Variants in PPP1CC observed in about 807,000 individuals in gnomAD.
PPP1CC encodes the protein protein phosphatase 1 catalytic subunit gamma.
Under a neutral mutation model 38.4 loss-of-function variants are expected in PPP1CC, and 16 were observed. The ratio of observed to expected loss-of-function variants is 0.42; its 90% CI spans 0.28 to 0.63. The LOEUF (loss-of-function observed/expected upper bound fraction) is 0.63, where lower values mean the gene tolerates loss of function less well. Ranked by LOEUF, PPP1CC falls within the 30% of genes least tolerant of loss-of-function variation. PPP1CC has a pLI of 0.25. For missense variants in PPP1CC, 170 were observed against 391.3 expected, an observed-to-expected ratio of 0.43 and a Z score of 4.77; for synonymous variants, 158 against 136.0, an observed-to-expected ratio of 1.16 and a Z score of -1.13.
intron 4 of PPP1CC, among the ~76,000 whole-genome samples, chr12:110,724,155 G>A (rs552358546): frequency 1.4e-4 from 21 of 152,150 alleles, no homozygotes; most frequent in Admixed American, 8.5e-4. Context: ...GGAGAATGGC[G>A]TGAACCTGGG....
rs909149111 is a variant in PPP1CC, at chr12:110,720,897, A to C, written c.*179T>G. The stretch of plus-strand genomic sequence containing the variant: ...CAAAACACTTTTCTTTTTGGAGTGA[A>C]GAGTCTTTCATTTGCTGTTATAACC... On this transcript the variant is annotated 3_prime_UTR_variant, in exon 7 of 7. Transcript: ENST00000335007. 1 of 512,996 alleles carries C rather than the reference A, an allele frequency of 1.9e-6. No individual in the cohort carries two copies. Among genetic ancestry groups the C allele is most frequent in the African/African-American group, 1.9e-5 (1 of 51,502 alleles). 31.8% of individuals were successfully genotyped at this position (512,996 alleles called of 1,614,324 possible).
At chr12:110,715,152 A>G (rs1292678807), downstream of PPP1CC, among the ~76,000 whole-genome samples, 2 of 149,604 alleles carry the variant, frequency 1.3e-5, no homozygotes, top group Non-Finnish European at 3.0e-5. Context: ...GGGTGGCTAG[A>G]AAAAAAAAAG....
At chr12:110,733,945 G>A (rs2069911863) in intron 1 of PPP1CC, among the ~76,000 whole-genome samples, 1 of 152,096 alleles carries the variant, frequency 6.6e-6, no homozygotes, top group Non-Finnish European at 1.5e-5. Context: ...GATAGAAACT[G>A]CCAAAACCAT....
At chr12:110,741,365 C>A (rs1262575538) in intron 1 of PPP1CC, among the ~76,000 whole-genome samples, 1 of 152,136 alleles carries the variant, frequency 6.6e-6, no homozygotes, top group African/African-American at 2.4e-5. Context: ...CATTTATAGT[C>A]CAACAATATT....
chr12:110,720,243 T>C lies in PPP1CC; in HGVS notation c.*833A>G, dbSNP rs1206062553. 3.9e-5 allele frequency: 57 copies of C among 1,474,090 alleles called. No individual in the cohort carries two copies. The highest frequency in any genetic ancestry group is 5.0e-5 in the Non-Finnish European group (55 of 1,091,562). 91.3% of individuals were successfully genotyped at this position (1,474,090 alleles called of 1,614,324 possible). A position where few individuals can be genotyped will look rare whatever the true frequency, so the allele number is the denominator to read the frequency against. ...ACTTAATGAATAGACTATATGGAAA[T>C]TGTATAAAATGTTATTACCTTTTAT... On this transcript the variant is annotated 3_prime_UTR_variant, in exon 7 of 7. Transcript: ENST00000335007.
the PPP1CC span, among the ~76,000 whole-genome samples, chr12:110,713,148 T>C: frequency 3.0e-3 from 456 of 152,112 alleles, 8 homozygotes; most frequent in African/African-American, 0.011. Context: ...TCTTTTTTTT[T>C]TGGAGATGTA....
intron 1 of PPP1CC, chr12:110,734,883 C>G (rs879750254): frequency 6.8e-6 from 1 of 146,842 alleles, no homozygotes; most frequent in East Asian, 2.1e-4. Flanking sequence ...CTGGTTACTG[C>G]GGAGGCTGAG....
In PPP1CC at chr12:110,720,468, T is replaced by C. The variant is rs1351407942; in HGVS notation, c.*608A>G. ...AAGAATGGCTTTGTCATTTTAAGTATACGGTCGGGGAAAAGTGTGCTTTAA... is the reference window on the plus strand; with the variant it reads ...AAGAATGGCTTTGTCATTTTAAGTACACGGTCGGGGAAAAGTGTGCTTTAA... On this transcript the variant is annotated 3_prime_UTR_variant, in exon 7 of 7. Coordinates refer to ENST00000335007, the MANE Select transcript of PPP1CC (RefSeq NM_002710.4). 1.4e-5 allele frequency: 6 copies of C among 415,294 alleles called. No individual in the cohort carries two copies. Among genetic ancestry groups the C allele is most frequent in the Non-Finnish European group, 2.6e-5 (6 of 231,496 alleles). 25.7% of individuals were successfully genotyped at this position (415,294 alleles called of 1,614,324 possible). A position where few individuals can be genotyped will look rare whatever the true frequency, so the allele number is the denominator to read the frequency against.
intron 3 of PPP1CC, among the ~76,000 whole-genome samples, chr12:110,728,903 C>G (rs999308367): frequency 6.6e-6 from 1 of 152,130 alleles, no homozygotes; most frequent in African/African-American, 2.4e-5. Flanking sequence ...GGATGCACTT[C>G]TAACAAATGT....
Position 110,722,366 on chromosome 12 carries a change from G to C in PPP1CC, c.748-97C>G. On this transcript the variant is annotated intron_variant, in intron 5 of 6. Coordinates refer to ENST00000335007, the MANE Select transcript of PPP1CC (RefSeq NM_002710.4). This position sits in a 1 kb window ranked among gnomAD's most constrained non-coding sequence, Gnocchi z 5.4. Reference sequence around the variant, plus strand: ...ATTGAGCCTGATATCTTGTGTTCCAGAAACACTTTGTATAAATAAGCAATA... The same window carrying C: ...ATTGAGCCTGATATCTTGTGTTCCACAAACACTTTGTATAAATAAGCAATA... 6.4e-7 allele frequency: 1 copy of C among 1,560,544 alleles called. No individual in the cohort carries two copies.
At chr12:110,727,700 A>C (rs1463516702) in intron 3 of PPP1CC, among the ~76,000 whole-genome samples, 2 of 152,124 alleles carry the variant, frequency 1.3e-5, no homozygotes, top group African/African-American at 4.8e-5. Flanking sequence ...ATGAAAATCA[A>C]CATTTGAATA....
chr12:110,712,381 T>C, the PPP1CC span, among the ~76,000 whole-genome samples: 1 of 151,858 alleles, frequency 6.6e-6, no homozygotes, highest in Non-Finnish European at 1.5e-5. Context: ...GGTTCATGCA[T>C]GTCATCTCAG....
Position 110,722,720 on chromosome 12 carries a change from ATG to A in PPP1CC, c.524-27_524-26del. The A allele has an allele frequency of 6.5e-7, 1 of 1,529,942 alleles. No homozygotes were observed. Among genetic ancestry groups the A allele is most frequent in the Non-Finnish European group, 8.9e-7 (1 of 1,125,484 alleles). 94.8% of individuals were successfully genotyped at this position (1,529,942 alleles called of 1,614,324 possible). A position where few individuals can be genotyped will look rare whatever the true frequency, so the allele number is the denominator to read the frequency against. On this transcript the variant is annotated intron_variant, in intron 4 of 6. Transcript: ENST00000335007. This position sits in a 1 kb window ranked among gnomAD's most constrained non-coding sequence, Gnocchi z 5.4. Reference sequence around the variant, plus strand: ...CCTATTCAATGAGGAAAAAAAAAAAATGAAGAAAGCAGAACTTTTAAAAGGAT... The same window carrying A: ...CCTATTCAATGAGGAAAAAAAAAAAAAAGAAAGCAGAACTTTTAAAAGGAT...
Position 110,722,303 on chromosome 12 carries a change from G to A in PPP1CC, c.748-34C>T, listed in dbSNP as rs1483543864. On this transcript the variant is annotated intron_variant, in intron 5 of 6. Coordinates refer to ENST00000335007, the MANE Select transcript of PPP1CC (RefSeq NM_002710.4). This position sits in a 1 kb window ranked among gnomAD's most constrained non-coding sequence, Gnocchi z 5.4. ...GAAAATTTTTTCAATATAAATAGGTGCAAATATTAGGTGAGTAAAACCATG... is the reference window on the plus strand; with the variant it reads ...GAAAATTTTTTCAATATAAATAGGTACAAATATTAGGTGAGTAAAACCATG... 1.9e-6 allele frequency: 3 copies of A among 1,605,776 alleles called. No homozygotes were observed. The highest frequency in any genetic ancestry group is 1.3e-5 in the African/African-American group (1 of 74,598).
the PPP1CC span, among the ~76,000 whole-genome samples, chr12:110,711,573 C>G: frequency 5.3e-5 from 8 of 152,056 alleles, no homozygotes; most frequent in Admixed American, 2.0e-4. Flanking sequence ...TACTTCTTAA[C>G]CCAGGCGATG....
At chr12:110,725,568 C>A (rs886447476) in intron 3 of PPP1CC, 2 of 152,304 alleles carry the variant, frequency 1.3e-5, no homozygotes, top group Non-Finnish European at 2.9e-5. Context: ...ACAGCACAGG[C>A]ATCCACACAT....
At chr12:110,708,675 C>A in the PPP1CC span, among the ~76,000 whole-genome samples, 1 of 151,742 alleles carries the variant, frequency 6.6e-6, no homozygotes, top group African/African-American at 2.4e-5. Flanking sequence ...ATGGTGAAAC[C>A]CCGCCTTTAC....
intron 1 of PPP1CC, chr12:110,732,463 C>T (rs1188889175): frequency 6.5e-6 from 1 of 152,848 alleles, no homozygotes; most frequent in Admixed American, 6.5e-5. Flanking sequence ...CAGAACCCTC[C>T]CCCATCAGTG....
chr12:110,730,130 G>A (rs982495610), intron 3 of PPP1CC, among the ~76,000 whole-genome samples: 3 of 152,224 alleles, frequency 2.0e-5, no homozygotes, highest in Non-Finnish European at 4.4e-5. Context: ...TGGCCTAGGC[G>A]GGCAGATTCC....
Sources: gnomAD v4.1 joint callset for allele counts (sites outside exome capture counted in the v4.1 genomes callset) on GRCh38, gnomAD v4.1.1 for gene constraint, Gnocchi (gnomAD v3.1) non-coding constraint, MANE v1.5 for transcripts, NCBI Gene and HGNC (gene_info 2026-07-23, HGNC 2026-07-21) for gene names.